The following GRM7 variants were observed in gnomAD, a reference collection of about 807,000 sequenced individuals.
The protein encoded by GRM7 is glutamate metabotropic receptor 7, also known as metabotropic glutamate receptor 7.
Under a neutral mutation model 84.5 loss-of-function variants are expected in GRM7, and 35 were observed. The observed-to-expected ratio is 0.41, with a 90% CI of 0.32 to 0.55. GRM7 has a LOEUF of 0.55. Among genes scored for constraint, GRM7 ranks in the 20% least tolerant of loss-of-function variants. The pLI is 0.19. For synonymous variants in GRM7, 487 were observed against 455.1 expected, an observed-to-expected ratio of 1.07 and a Z score of -0.89; for missense variants, 1,003 against 1,194.6, an observed-to-expected ratio of 0.84 and a Z score of 2.36.
At chr3:7,641,050 T>C (rs1314961314) in intron 8 of GRM7, among the ~76,000 whole-genome samples, 1 of 152,190 alleles carries the variant, frequency 6.6e-6, no homozygotes, top group African/African-American at 2.4e-5. Flanking sequence ...TTAAGATGGT[T>C]GTTGACTCAA....
At position 7,240,812 on chromosome 3, in the gene GRM7, C is replaced by T. The variant is rs562303179; in HGVS notation, c.737-57872C>T. ...CAATGTTTCAGTCATCTGCTGACCG[C>T]GTATACAGTGATGGTCCCATAAGAT... On this transcript the variant is annotated intron_variant, in intron 2 of 9. Transcript: ENST00000357716. 6.8e-4 allele frequency among the ~76,000 whole-genome samples: 103 copies of T among 152,220 alleles called. 1 individual carries two copies. In the Middle Eastern group the frequency reaches 0.014, roughly 20 times the overall value.
At chr3:7,653,180 C>CTTTTTTTT (rs1218949173) in intron 8 of GRM7, among the ~76,000 whole-genome samples, 50 of 89,520 alleles carry the variant, frequency 5.6e-4, no homozygotes, top group African/African-American at 1.1e-3. Flanking sequence ...ATACTATATC[C>CTTTTTTTT]TTTTTTTTTT....
At chr3:7,463,381 G>A (rs756319446) in intron 7 of GRM7, among the ~76,000 whole-genome samples, 3 of 152,122 alleles carry the variant, frequency 2.0e-5, no homozygotes, top group Admixed American at 6.5e-5. Context: ...TGTTTGGTTT[G>A]TATTTTATCC....
chr3:7,442,147 T>C (rs1219637546), intron 5 of GRM7, among the ~76,000 whole-genome samples: 1 of 152,156 alleles, frequency 6.6e-6, no homozygotes, highest in Non-Finnish European at 1.5e-5. Context: ...TTGTGTCATC[T>C]CTTATTTCTT....
At chr3:7,128,288 T>G (rs1693468573) in intron 1 of GRM7, among the ~76,000 whole-genome samples, 1 of 151,844 alleles carries the variant, frequency 6.6e-6, no homozygotes. Flanking sequence ...AGTTATATTT[T>G]TATTCTTCCT....
intron 1 of GRM7, among the ~76,000 whole-genome samples, chr3:6,895,933 A>G (rs1335720950): frequency 2.6e-5 from 4 of 152,092 alleles, no homozygotes; most frequent in African/African-American, 9.7e-5. Flanking sequence ...TTGAGATGCC[A>G]TCTAGTAGTG....
intron 8 of GRM7, among the ~76,000 whole-genome samples, chr3:7,652,710 G>A (rs1212745415): frequency 6.6e-6 from 1 of 152,120 alleles, no homozygotes; most frequent in African/African-American, 2.4e-5. Context: ...ATTATGGTTG[G>A]CCATGCCAGT....
intron 1 of GRM7, among the ~76,000 whole-genome samples, chr3:7,030,174 A>G (rs555203090): frequency 6.0e-4 from 91 of 152,336 alleles, no homozygotes; most frequent in African/African-American, 2.2e-3. Context: ...ATGCTGAATG[A>G]AAAAAATACA....
intron 7 of GRM7, among the ~76,000 whole-genome samples, chr3:7,568,466 C>A (rs375191602): frequency 1.3e-5 from 2 of 152,244 alleles, no homozygotes; most frequent in Non-Finnish European, 2.9e-5. Flanking sequence ...TCGCTCTCGG[C>A]GCCTCCTCGG....
chr3:7,041,824 A>G (rs1003339395), intron 1 of GRM7, among the ~76,000 whole-genome samples: 1 of 152,218 alleles, frequency 6.6e-6, no homozygotes, highest in African/African-American at 2.4e-5. Context: ...ATGGAAAAAA[A>G]CAAGACAGGT....
intron 9 of GRM7, among the ~76,000 whole-genome samples, chr3:7,701,148 T>G (rs1004590010): frequency 6.6e-6 from 1 of 152,096 alleles, no homozygotes; most frequent in Non-Finnish European, 1.5e-5. Context: ...TGGGCATGAG[T>G]GAGAAGCTCT....
At position 7,627,538 on chromosome 3, in the gene GRM7, G is replaced by A. The variant is rs181472518; in HGVS notation, c.2451+48181G>A. Among the ~76,000 whole-genome samples, 10 of 152,282 alleles carry A rather than the reference G, an allele frequency of 6.6e-5. No individual in the cohort carries two copies. The South Asian group carries it at 1.2e-3, about 19-fold the overall frequency. ...GACATTCGCATGGTATTAAAACCAC[G>A]AACTCTCAACTAGCCAGAGTTGAAA... On this transcript the variant is annotated intron_variant, in intron 8 of 9. Coordinates refer to ENST00000357716, the MANE Select transcript of GRM7 (RefSeq NM_000844.4).
At chr3:7,717,992 G>A (rs979117630) in intron 9 of GRM7, among the ~76,000 whole-genome samples, 48 of 152,088 alleles carry the variant, frequency 3.2e-4, no homozygotes, top group African/African-American at 1.0e-3. Context: ...AAGATGATGC[G>A]GACTAGCAAG....
At chr3:7,102,199 G>A (rs982411708) in intron 1 of GRM7, among the ~76,000 whole-genome samples, 1 of 151,748 alleles carries the variant, frequency 6.6e-6, no homozygotes, top group African/African-American at 2.4e-5. Context: ...CTTGCATGCA[G>A]TTCTGCTGCC....
intron 2 of GRM7, among the ~76,000 whole-genome samples, chr3:7,268,950 T>G (rs957647077): frequency 1.3e-5 from 2 of 152,194 alleles, no homozygotes; most frequent in South Asian, 4.1e-4. Flanking sequence ...TAGAATTGTT[T>G]TGGGGAGGGA....
intron 1 of GRM7, among the ~76,000 whole-genome samples, chr3:6,967,487 G>A (rs893961388): frequency 3.3e-5 from 5 of 152,144 alleles, no homozygotes; most frequent in Non-Finnish European, 7.3e-5. Flanking sequence ...GAGCCACCAC[G>A]CCTGGCTCGG....
chr3:7,512,520 A>G (rs1053713114), intron 7 of GRM7, among the ~76,000 whole-genome samples: 1 of 151,904 alleles, frequency 6.6e-6, no homozygotes, highest in African/African-American at 2.4e-5. Context: ...GAGAAAGAGA[A>G]GTACTTTAGA....
intron 2 of GRM7, among the ~76,000 whole-genome samples, chr3:7,187,799 G>A (rs1251871004): frequency 6.6e-6 from 1 of 152,140 alleles, no homozygotes; most frequent in Non-Finnish European, 1.5e-5. Flanking sequence ...ATGGTAAACT[G>A]ACATGGCACA....
intron 1 of GRM7, among the ~76,000 whole-genome samples, chr3:6,991,887 C>T (rs1251656869): frequency 2.6e-5 from 4 of 152,162 alleles, no homozygotes; most frequent in Middle Eastern, 3.4e-3. Flanking sequence ...ACATATTCCT[C>T]TTTTAACCAA....
Sources: allele counts gnomAD v4.1 joint callset (sites outside exome capture counted in the v4.1 genomes callset), GRCh38; gene constraint gnomAD v4.1.1; transcripts MANE v1.5; gene names NCBI Gene and HGNC (gene_info 2026-07-23, HGNC 2026-07-21).